Variants in PROSER2 observed in about 807,000 individuals in gnomAD.
PROSER2 encodes proline and serine rich 2, also known as proline and serine-rich protein 2.
A neutral mutation model predicts 14.6 loss-of-function variants in PROSER2; 18 were observed. The ratio of observed to expected loss-of-function variants is 1.23; its 90% CI spans 0.85 to 1.83. The LOEUF (loss-of-function observed/expected upper bound fraction) is 1.83, where lower values mean the gene tolerates loss of function less well. Among genes scored for constraint, PROSER2 ranks in the 40% most tolerant of loss-of-function variants. The probability of loss-of-function intolerance (pLI) is 0.00; values close to 1 mark genes in which losing one functional copy is unlikely to be tolerated. For synonymous variants in PROSER2, 367 were observed against 286.4 expected, an observed-to-expected ratio of 1.28 and a Z score of -2.84; for missense variants, 823 against 629.8, an observed-to-expected ratio of 1.31 and a Z score of -3.28.
At chr10:11,841,130 T>C (rs973972645) in intron 1 of PROSER2, among the ~76,000 whole-genome samples, 9 of 151,408 alleles carry the variant, frequency 5.9e-5, no homozygotes, top group Non-Finnish European at 1.2e-4. Flanking sequence ...GTCTGCCGAT[T>C]CATTTTCATT....
chr10:11,863,984 C>G (rs1834295315), intron 2 of PROSER2, among the ~76,000 whole-genome samples: 1 of 152,118 alleles, frequency 6.6e-6, no homozygotes, highest in Non-Finnish European at 1.5e-5. Context: ...TTCTGGGATT[C>G]CCTGCAGCTT....
At chr10:11,855,447 C>G (rs1834106859) in intron 2 of PROSER2, among the ~76,000 whole-genome samples, 1 of 146,322 alleles carries the variant, frequency 6.8e-6, no homozygotes, top group Admixed American at 6.9e-5. Flanking sequence ...GCACTCCATC[C>G]TGGGCGACAG....
rs1299469314 is a variant in PROSER2, at chr10:11,852,204, A to G, written c.127A>G (p.Ser43Gly). The G allele has an allele frequency of 6.2e-7, 1 of 1,607,996 alleles. No homozygotes were observed. Among genetic ancestry groups the G allele is most frequent in the Non-Finnish European group, 8.5e-7 (1 of 1,176,566 alleles). The change falls in exon 2 of 4, where the codon AGC becomes GGC. Residue 43 changes from serine to glycine, a missense_variant. Ser to Gly is a moderately conservative substitution (Grantham distance 56, BLOSUM62 0). Transcript: ENST00000277570. ...TCGAAGCAGCAGCTCTCGCTCCAGA[A>G]GCTTCACTTTGGTGAGTGACAGTTT... ...ESRSSSSRSR[S>G]FTLDDESLKY...
chr10:11,868,164 T>TTG (rs1834392119), intron 3 of PROSER2, among the ~76,000 whole-genome samples: 1 of 152,252 alleles, frequency 6.6e-6, no homozygotes. Flanking sequence ...AAAAGTAATT[T>TTG]GAACCAGCCG....
At chr10:11,829,948 A>G (rs1034612216) in intron 1 of PROSER2, among the ~76,000 whole-genome samples, 14 of 147,954 alleles carry the variant, frequency 9.5e-5, no homozygotes, top group African/African-American at 3.5e-4. Context: ...GGCTCAAGCA[A>G]TTCTCCCACC....
rs1037049128 is a variant in PROSER2 at position 11,867,000 on chromosome 10, C to T, written c.391+217C>T. Among the ~76,000 whole-genome samples, 4 of 152,166 alleles carry T rather than the reference C, an allele frequency of 2.6e-5. No individual in the cohort carries two copies. The highest frequency in any genetic ancestry group is 5.9e-5 in the Non-Finnish European group (4 of 68,044). On this transcript the variant is annotated intron_variant, in intron 3 of 3. Transcript: ENST00000277570. This position sits in a 1 kb window ranked among gnomAD's most constrained non-coding sequence, Gnocchi z 6.0. ...ATGGAATGGGCCAGGCGCGGTGGCT[C>T]AAGCCTGTAATCCCAGCACTTTGGG...
At chr10:11,859,874 G>A (rs1564311710) in intron 2 of PROSER2, among the ~76,000 whole-genome samples, 1 of 152,214 alleles carries the variant, frequency 6.6e-6, no homozygotes, top group East Asian at 1.9e-4. Flanking sequence ...TGCAGTCACT[G>A]CCCATCCCTG....
At chr10:11,829,147 G>A (rs1357387046) in intron 1 of PROSER2, among the ~76,000 whole-genome samples, 1 of 151,772 alleles carries the variant, frequency 6.6e-6, no homozygotes. Flanking sequence ...ACATATGGAG[G>A]GATTAACTTG....
chr10:11,830,411 T>G lies in PROSER2; in HGVS notation c.-82+6941T>G, dbSNP rs1028842149. 6.6e-6 allele frequency among the ~76,000 whole-genome samples: 1 copy of G among 152,360 alleles called. No homozygotes were observed. Among genetic ancestry groups the G allele is most frequent in the Non-Finnish European group, 1.5e-5 (1 of 68,036 alleles). ...GTCCGTGGTGTTTATATACCACATT[T>G]TCTTTATCCTGTCGTCTGTCGATGG... On this transcript the variant is annotated intron_variant, in intron 1 of 3. Coordinates refer to ENST00000277570, the MANE Select transcript of PROSER2 (RefSeq NM_153256.4). This position sits in a 1 kb window ranked among gnomAD's most constrained non-coding sequence, Gnocchi z 4.5.
intron 2 of PROSER2, among the ~76,000 whole-genome samples, chr10:11,861,926 A>G (rs1834248615): frequency 6.6e-6 from 1 of 152,226 alleles, no homozygotes; most frequent in South Asian, 2.1e-4. Flanking sequence ...TACACTGGAA[A>G]CTATGAGAAA....
At chr10:11,859,799 G>A (rs1220171671) in intron 2 of PROSER2, among the ~76,000 whole-genome samples, 1 of 152,198 alleles carries the variant, frequency 6.6e-6, no homozygotes, top group Non-Finnish European at 1.5e-5. Context: ...GGCATTTAGT[G>A]TATTTACATC....
At position 11,869,366 on chromosome 10, in the gene PROSER2, A is replaced by G. The variant is rs1326791600; in HGVS notation, c.392-124A>G. 5 of 684,246 alleles carry G rather than the reference A, an allele frequency of 7.3e-6. No individual in the cohort carries two copies. The highest frequency in any genetic ancestry group is 1.3e-5 in the Non-Finnish European group (5 of 381,512). 42.4% of individuals were successfully genotyped at this position (684,246 alleles called of 1,614,324 possible). A position where few individuals can be genotyped will look rare whatever the true frequency, so the allele number is the denominator to read the frequency against. ...AACAGGGAGAGAGGAGTTGACTCAC[A>G]GGCAGCACCGGCGAAGTTGGTGTCA... On this transcript the variant is annotated intron_variant, in intron 3 of 3. Coordinates refer to ENST00000277570, the MANE Select transcript of PROSER2 (RefSeq NM_153256.4). This position sits in a 1 kb window ranked among gnomAD's most constrained non-coding sequence, Gnocchi z 4.4.
intron 3 of PROSER2, among the ~76,000 whole-genome samples, chr10:11,867,727 G>A (rs1345082461): frequency 3.9e-5 from 6 of 152,190 alleles, no homozygotes; most frequent in South Asian, 4.1e-4. Context: ...AGCTTCACTC[G>A]CTCACCACTC....
At chr10:11,843,384 C>T (rs1393434258) in intron 1 of PROSER2, among the ~76,000 whole-genome samples, 6 of 148,522 alleles carry the variant, frequency 4.0e-5, no homozygotes, top group African/African-American at 1.5e-4. Flanking sequence ...GAAACCCCAT[C>T]TCTACTAAAA....
intron 1 of PROSER2, among the ~76,000 whole-genome samples, chr10:11,833,501 G>A (rs1376448244): frequency 1.3e-5 from 2 of 151,960 alleles, no homozygotes; most frequent in Non-Finnish European, 2.9e-5. Flanking sequence ...GACCAGCCTG[G>A]CCAACGTGGT....
intron 1 of PROSER2, among the ~76,000 whole-genome samples, chr10:11,828,329 T>C (rs1364195407): frequency 6.6e-6 from 1 of 151,750 alleles, no homozygotes; most frequent in Non-Finnish European, 1.5e-5. Context: ...TCTATACTCC[T>C]TTGTACTAGA....
chr10:11,840,766 A>T (rs1833825541), intron 1 of PROSER2, among the ~76,000 whole-genome samples: 1 of 151,370 alleles, frequency 6.6e-6, no homozygotes, highest in African/African-American at 2.4e-5. Flanking sequence ...CTCTACTAAA[A>T]ATACCAAAAT....
At chr10:11,854,619 GT>G (rs11342646) in intron 2 of PROSER2, among the ~76,000 whole-genome samples, 67,544 of 146,078 alleles carry the variant, frequency 0.46, 15,202 homozygotes, top group Admixed American at 0.53. Context: ...CCTGCTGAAA[GT>G]TTTTTTTTTT....
At chr10:11,835,092 G>A (rs1833741856) in intron 1 of PROSER2, among the ~76,000 whole-genome samples, 1 of 138,056 alleles carries the variant, frequency 7.2e-6, no homozygotes, top group South Asian at 2.5e-4. Context: ...GGGCGACAGA[G>A]TGAGAATCTG....
Sources: gnomAD v4.1 joint callset for allele counts (sites outside exome capture counted in the v4.1 genomes callset) on GRCh38, gnomAD v4.1.1 for gene constraint, Gnocchi (gnomAD v3.1) non-coding constraint, MANE v1.5 for transcripts, NCBI Gene and HGNC (gene_info 2026-07-23, HGNC 2026-07-21) for gene names.